Variants in PALMD observed in about 807,000 individuals in gnomAD.
PALMD encodes palmdelphin.
A neutral mutation model predicts 56.2 loss-of-function variants in PALMD; 42 were observed. The ratio of observed to expected loss-of-function variants is 0.75; its 90% confidence interval spans 0.58 to 0.97. The LOEUF (loss-of-function observed/expected upper bound fraction) is 0.97. Ranked by LOEUF, PALMD falls within the 50% of genes least tolerant of loss-of-function variation. PALMD has a pLI of 0.00. For missense variants in PALMD, 660 were observed against 643.8 expected (o/e 1.03, Z -0.27); for synonymous variants, 242 against 222.9 (o/e 1.09, Z -0.76).
At chr1:99,686,132 T>C (rs553760052) in intron 3 of PALMD, 3 of 152,180 alleles carry the variant, frequency 2.0e-5, no homozygotes, top group Admixed American at 6.6e-5. Context: ...CACTATAATA[T>C]GGCCCAACTC....
chr1:99,676,299 C>CA (rs1653211455), intron 3 of PALMD, among the ~76,000 whole-genome samples: 1 of 151,858 alleles, frequency 6.6e-6, no homozygotes, highest in Non-Finnish European at 1.5e-5. Flanking sequence ...CTTCTTCTTC[C>CA]TTTTTTTTAA....
chr1:99,651,745 A>G (rs913812165), intron 1 of PALMD, among the ~76,000 whole-genome samples: 2 of 152,226 alleles, frequency 1.3e-5, no homozygotes, highest in African/African-American at 4.8e-5. Flanking sequence ...AGCAGTTTGA[A>G]TGAGATCTAT....
rs962359707 is a variant in PALMD, at chr1:99,689,547, TAAG to T, written c.1291_1293del (p.Lys431del). 2 of 1,613,720 alleles carry T rather than the reference TAAG, an allele frequency of 1.2e-6. No individual in the cohort carries two copies. The highest frequency in any genetic ancestry group is 1.7e-6 in the Non-Finnish European group (2 of 1,179,826). Reference sequence around the variant, plus strand: ...AGCAGGCAGAAGACAGTGAAGAAGATAAGAAGTTTCTGACAGGATATGATGGGA... The same window carrying T: ...AGCAGGCAGAAGACAGTGAAGAAGATAAGTTTCTGACAGGATATGATGGGA... On this transcript the variant is annotated inframe_deletion, in exon 7 of 8. Coordinates refer to ENST00000263174, the MANE Select transcript of PALMD (RefSeq NM_017734.5).
At chr1:99,690,633 A>G (rs3766587) in intron 7 of PALMD, among the ~76,000 whole-genome samples, 15,729 of 152,124 alleles carry the variant, frequency 0.1, 1,426 homozygotes, top group African/African-American at 0.25. Flanking sequence ...TCTTGTTATC[A>G]CTTAAATACT....
At chr1:99,663,706 T>A (rs1652903998) in intron 2 of PALMD, among the ~76,000 whole-genome samples, 1 of 152,122 alleles carries the variant, frequency 6.6e-6, no homozygotes, top group African/African-American at 2.4e-5. Context: ...GCAATTGTTA[T>A]CCTTGCAGAA....
intron 3 of PALMD, among the ~76,000 whole-genome samples, chr1:99,676,070 T>C (rs1338113866): frequency 6.6e-6 from 1 of 152,218 alleles, no homozygotes; most frequent in Non-Finnish European, 1.5e-5. Context: ...CTGCTTCTTG[T>C]TATCTTAAAA....
intron 1 of PALMD, among the ~76,000 whole-genome samples, chr1:99,661,022 AGT>A (rs1274277081): frequency 2.0e-5 from 3 of 152,350 alleles, no homozygotes; most frequent in African/African-American, 7.2e-5. Flanking sequence ...ATCAAAAAAG[AGT>A]TTTTATCTTC....
intron 3 of PALMD, chr1:99,668,714 A>C (rs7534719): frequency 0.56 from 85,546 of 152,056 alleles, 24,433 homozygotes; most frequent in Non-Finnish European, 0.62. Context: ...AGATCAGTAC[A>C]GTCAGGCAAC....
At chr1:99,666,828 T>G (rs1445398038) in intron 2 of PALMD, among the ~76,000 whole-genome samples, 1 of 152,178 alleles carries the variant, frequency 6.6e-6, no homozygotes, top group African/African-American at 2.4e-5. Context: ...TTTTCATTTG[T>G]TTTAAGTCTT....
At chr1:99,682,502 G>T (rs1380304401) in intron 3 of PALMD, among the ~76,000 whole-genome samples, 1 of 152,168 alleles carries the variant, frequency 6.6e-6, no homozygotes, top group Non-Finnish European at 1.5e-5. Flanking sequence ...ATACGCTGAT[G>T]AGGTTTGCAG....
At chr1:99,670,262 A>G (rs564995898) in intron 3 of PALMD, among the ~76,000 whole-genome samples, 3 of 152,310 alleles carry the variant, frequency 2.0e-5, no homozygotes, top group South Asian at 4.1e-4. Flanking sequence ...AAATCCATCA[A>G]TACTCCTTTG....
chr1:99,667,626 T>A lies in PALMD; in HGVS notation c.127-16T>A, dbSNP rs921838498. ...TGACCAATATAAGAACATATCTTTATGTTTCCTGACATCAGAAAAAGGCCT... is the reference window on the plus strand; with the variant it reads ...TGACCAATATAAGAACATATCTTTAAGTTTCCTGACATCAGAAAAAGGCCT... On this transcript the variant is annotated splice_polypyrimidine_tract_variant and intron_variant, in intron 2 of 7. Coordinates refer to ENST00000263174, the MANE Select transcript of PALMD (RefSeq NM_017734.5). The A allele has an allele frequency of 6.2e-7, 1 of 1,608,976 alleles. No individual in the cohort carries two copies. The highest frequency in any genetic ancestry group is 8.5e-7 in the Non-Finnish European group (1 of 1,175,762).
At chr1:99,689,964 C>G in intron 7 of PALMD, 92 bp downstream of exon 7, 1 of 1,221,936 alleles carries the variant, frequency 8.2e-7, no homozygotes, top group Non-Finnish European at 1.1e-6. Context: ...CTTCTCTGAC[C>G]ACCTCATAAA....
At chr1:99,652,786 G>C (rs552465956) in intron 1 of PALMD, among the ~76,000 whole-genome samples, 10 of 152,106 alleles carry the variant, frequency 6.6e-5, no homozygotes, top group African/African-American at 2.4e-4. Context: ...TATTAATACA[G>C]TTTGACGTGG....
At chr1:99,675,866 C>T (rs765709109) in intron 3 of PALMD, among the ~76,000 whole-genome samples, 6 of 152,110 alleles carry the variant, frequency 3.9e-5, no homozygotes, top group South Asian at 2.1e-4. Context: ...CATGCCTACA[C>T]GGCAGTTTCA....
chr1:99,660,536 G>A (rs77692037), intron 1 of PALMD, among the ~76,000 whole-genome samples: 2,757 of 152,324 alleles, frequency 0.018, 78 homozygotes, highest in African/African-American at 0.063. Flanking sequence ...TCTAGAGAGA[G>A]TGAAGAATTG....
intron 2 of PALMD, 27 bp from the exon 3 acceptor site, chr1:99,667,615 A>T: frequency 6.2e-7 from 1 of 1,603,484 alleles, no homozygotes; most frequent in Non-Finnish European, 8.5e-7. Flanking sequence ...CAATATAAGA[A>T]CATATCTTTA....
At chr1:99,682,010 T>C (rs538001364) in intron 3 of PALMD, among the ~76,000 whole-genome samples, 1 of 152,284 alleles carries the variant, frequency 6.6e-6, no homozygotes, top group South Asian at 2.1e-4. Context: ...ACTGCTGACT[T>C]CTGACCAAGT....
intron 1 of PALMD, among the ~76,000 whole-genome samples, chr1:99,656,144 C>A (rs985164296): frequency 1.3e-5 from 2 of 152,106 alleles, no homozygotes; most frequent in Non-Finnish European, 2.9e-5. Flanking sequence ...TAAATAGTAG[C>A]TCTCTTTTCT....
Sources: allele counts gnomAD v4.1 joint callset (sites outside exome capture counted in the v4.1 genomes callset), GRCh38; gene constraint gnomAD v4.1.1; transcripts MANE v1.5; gene names NCBI Gene and HGNC (gene_info 2026-07-23, HGNC 2026-07-21).